The following ZNF254 variants were observed in gnomAD, a reference collection of about 807,000 sequenced individuals.
ZNF254 encodes zinc finger protein 254.
A neutral mutation model predicts 12.4 loss-of-function variants in ZNF254; 10 were observed. The observed-to-expected ratio is 0.80, with a 90% CI of 0.50 to 1.36. The LOEUF is 1.36. Ranked by LOEUF, ZNF254 falls within the 40% of genes most tolerant of loss-of-function variation. The pLI, the probability that ZNF254 is intolerant of heterozygous loss-of-function variation, is 0.00. For missense variants in ZNF254, 996 were observed against 763.9 expected (o/e 1.30, Z -3.58); for synonymous variants, 305 against 253.4 (o/e 1.20, Z -1.93).
chr19:24,128,106 A>C lies in ZNF254; in HGVS notation c.*126A>C, dbSNP rs1188185446. On this transcript the variant is annotated 3_prime_UTR_variant, in exon 4 of 4. Coordinates refer to ENST00000357002, the MANE Select transcript of ZNF254 (RefSeq NM_203282.4). ...GACAGTACCTAAAACTTTAAAGAAA[A>C]TCATTCTGCTGAAAAATCCTAGAAA... 12 of 962,158 alleles carry C rather than the reference A, an allele frequency of 1.2e-5. No homozygotes were observed. Among genetic ancestry groups the C allele is most frequent in the Non-Finnish European group, 1.6e-5 (11 of 705,752 alleles). 59.6% of individuals were successfully genotyped at this position (962,158 alleles called of 1,614,324 possible).
chr19:24,049,798 C>T (rs1228705090), intron 2 of ZNF254, among the ~76,000 whole-genome samples: 6 of 152,070 alleles, frequency 3.9e-5, no homozygotes, highest in Admixed American at 2.0e-4. Flanking sequence ...TAGGCCCTGC[C>T]TACAGAGGAC....
chr19:24,047,328 G>C (rs116264189), intron 2 of ZNF254, among the ~76,000 whole-genome samples: 291 of 149,180 alleles, frequency 2.0e-3, no homozygotes, highest in African/African-American at 6.9e-3. Flanking sequence ...GTAGAACTTG[G>C]TTTATTTTTT....
At chr19:24,075,798 G>T (rs7248311) in intron 2 of ZNF254, among the ~76,000 whole-genome samples, 2 of 152,096 alleles carry the variant, frequency 1.3e-5, no homozygotes, top group Non-Finnish European at 2.9e-5. Flanking sequence ...AGACCAGGGT[G>T]TATTTTATCC....
At chr19:24,119,126 G>T (rs571867475) in intron 3 of ZNF254, among the ~76,000 whole-genome samples, 5 of 151,618 alleles carry the variant, frequency 3.3e-5, no homozygotes, top group African/African-American at 9.7e-5. Context: ...AACAAAAAAA[G>T]TTATCTTCTT....
chr19:24,127,039 G>A lies in ZNF254; in HGVS notation c.1039G>A (p.Glu347Lys). The A allele has an allele frequency of 6.2e-7, 1 of 1,613,724 alleles. No homozygotes were observed. Among genetic ancestry groups the A allele is most frequent in the Non-Finnish European group, 8.5e-7 (1 of 1,179,844 alleles). Residue 347 changes from glutamate to lysine, a missense_variant, in exon 4 of 4, where the codon GAG becomes AAG. Coordinates refer to ENST00000357002, the MANE Select transcript of ZNF254 (RefSeq NM_203282.4). The part of the protein sequence containing the change: ...LTRHKRMHTG[E>K]KPYKCEECGK... ...TAGACATAAGAGGATGCACACTGGA[G>A]AGAAACCCTACAAATGTGAAGAATG...
At chr19:24,103,950 C>T (rs1973181729) in intron 1 of ZNF254, 1 of 152,334 alleles carries the variant, frequency 6.6e-6, no homozygotes, top group Non-Finnish European at 1.5e-5. Context: ...ATCTTGAACT[C>T]CTGACTTCAG....
intron 2 of ZNF254, chr19:24,066,809 A>T (rs1329426590): frequency 3.9e-5 from 6 of 152,252 alleles, no homozygotes; most frequent in Admixed American, 1.3e-4. Context: ...CTGAGGCAGG[A>T]TAATCGCTTA....
chr19:24,050,096 G>A (rs906268214), intron 2 of ZNF254, among the ~76,000 whole-genome samples: 7 of 151,596 alleles, frequency 4.6e-5, no homozygotes, highest in African/African-American at 1.5e-4. Context: ...TGCCTACAAG[G>A]TGCATTGTAA....
intron 2 of ZNF254, among the ~76,000 whole-genome samples, chr19:24,048,596 G>T (rs190330718): frequency 6.6e-6 from 1 of 152,268 alleles, no homozygotes; most frequent in Non-Finnish European, 1.5e-5. Flanking sequence ...CAAATAGCTG[G>T]GGATCTGGGG....
At chr19:24,046,157 A>G (rs1970374904) in intron 1 of ZNF254, 3 of 151,902 alleles carry the variant, frequency 2.0e-5, no homozygotes, top group African/African-American at 4.8e-5. Flanking sequence ...TCCAGCATTA[A>G]TCATCTGACT....
chr19:24,049,029 G>A (rs1970518100), intron 2 of ZNF254: 1 of 151,470 alleles, frequency 6.6e-6, no homozygotes, highest in African/African-American at 2.4e-5. Flanking sequence ...TGAGCTTACA[G>A]GCGTGAGCCA....
chr19:24,048,960 C>T (rs957802770), intron 2 of ZNF254: 3 of 151,678 alleles, frequency 2.0e-5, no homozygotes, highest in African/African-American at 7.3e-5. Context: ...TCATGTTTTC[C>T]AGGCTGATCT....
At chr19:24,126,222 G>A in intron 3 of ZNF254, 32 bp from the exon 4 acceptor site, 3 of 1,352,386 alleles carry the variant, frequency 2.2e-6, no homozygotes, top group Non-Finnish European at 2.9e-6. Context: ...CTAGTAAGTG[G>A]AGTAATTTAT....
upstream of ZNF254, among the ~76,000 whole-genome samples, chr19:24,083,155 G>A (rs1971910823): frequency 6.6e-6 from 1 of 152,022 alleles, no homozygotes; most frequent in African/African-American, 2.4e-5. Context: ...TAGTGGCATT[G>A]GTATACACCA....
At chr19:24,113,213 G>T (rs1039925092) in intron 3 of ZNF254, among the ~76,000 whole-genome samples, 11 of 152,108 alleles carry the variant, frequency 7.2e-5, no homozygotes, top group African/African-American at 2.7e-4. Flanking sequence ...CCAAAGCCGG[G>T]CAGAGACACA....
At chr19:24,085,236 AT>A (rs996615344), upstream of ZNF254, among the ~76,000 whole-genome samples, 4 of 150,890 alleles carry the variant, frequency 2.7e-5, no homozygotes, top group African/African-American at 4.9e-5. Flanking sequence ...CCAGCCCAGA[AT>A]TTTTTTTAAC....
intron 2 of ZNF254, among the ~76,000 whole-genome samples, chr19:24,062,682 T>C (rs1971120467): frequency 1.3e-5 from 2 of 152,198 alleles, no homozygotes; most frequent in Admixed American, 1.3e-4. Context: ...AATCTCACTT[T>C]TGGAGGCAGC....
chr19:24,116,053 G>C (rs1348282570), intron 3 of ZNF254, among the ~76,000 whole-genome samples: 3 of 152,142 alleles, frequency 2.0e-5, no homozygotes, highest in Non-Finnish European at 4.4e-5. Context: ...TAGAGTTTCT[G>C]CCGAGAGGTC....
chr19:24,075,637 A>T (rs1971632361), intron 2 of ZNF254, among the ~76,000 whole-genome samples: 1 of 152,208 alleles, frequency 6.6e-6, no homozygotes, highest in African/African-American at 2.4e-5. Context: ...GTGAAATTAG[A>T]ATTACTAATG....
Sources: gnomAD v4.1 joint callset for allele counts (sites outside exome capture counted in the v4.1 genomes callset) on GRCh38, gnomAD v4.1.1 for gene constraint, MANE v1.5 for transcripts, NCBI Gene and HGNC (gene_info 2026-07-23, HGNC 2026-07-21) for gene names.